BRMS1: variants seen among roughly 807,000 people sequenced by gnomAD.
BRMS1 encodes the protein breast cancer metastasis-suppressor 1.
Under a neutral mutation model 40.4 loss-of-function variants are expected in BRMS1, and 26 were observed. The observed-to-expected ratio is 0.64, with a 90% CI of 0.47 to 0.89. BRMS1 has a LOEUF of 0.89. Ranked by LOEUF, BRMS1 falls within the 40% of genes least tolerant of loss-of-function variation. The probability of loss-of-function intolerance (pLI) is 0.00; values close to 1 mark genes in which losing one functional copy is unlikely to be tolerated. For missense variants in BRMS1, 289 were observed against 309.4 expected, an observed-to-expected ratio of 0.93 and a Z score of 0.49; for synonymous variants, 103 against 116.0, an observed-to-expected ratio of 0.89 and a Z score of 0.72.
chr11:66,338,699 C>T (rs745841637), intron 8 of BRMS1, 22 bp downstream of exon 8: 18 of 1,612,398 alleles, frequency 1.1e-5, no homozygotes, highest in African/African-American at 9.3e-5. Flanking sequence ...GGGCAGGTCA[C>T]GTGGGCAGCA....
At chr11:66,344,879 A>C (rs1438423541) in intron 1 of BRMS1, 93 bp downstream of exon 1, 2 of 152,250 alleles carry the variant, frequency 1.3e-5, no homozygotes, top group African/African-American at 4.8e-5. Flanking sequence ...AGGCCGGTTA[A>C]ATCTCTGCTT....
chr11:66,338,509 A>G, intron 8 of BRMS1: 2 of 1,527,322 alleles, frequency 1.3e-6, no homozygotes, highest in Non-Finnish European at 8.8e-7. Context: ...CCTGCCCCAG[A>G]ACGGGAAGGG....
chr11:66,341,880 G>T lies in BRMS1; in HGVS notation c.139+216C>A. 1 of 672,876 alleles carries T rather than the reference G, an allele frequency of 1.5e-6. No homozygotes were observed. Among genetic ancestry groups the T allele is most frequent in the Non-Finnish European group, 2.6e-6 (1 of 381,618 alleles). 41.7% of individuals were successfully genotyped at this position (672,876 alleles called of 1,614,324 possible). On this transcript the variant is annotated intron_variant, in intron 2 of 9. Coordinates refer to ENST00000359957, the MANE Select transcript of BRMS1 (RefSeq NM_015399.4). This position sits in a 1 kb window ranked among gnomAD's most constrained non-coding sequence, Gnocchi z 4.9. ...ACTTGTGTGAAGGGGCTGTGTGTGT[G>T]CATACGTGCTTGTGTGTAGGGGCTG...
Position 66,341,691 on chromosome 11 carries a change from C to T in BRMS1, c.140-68G>A, listed in dbSNP as rs895872724. ...GTGGGTACCCGCATGTGTGCATGTG[C>T]GTCCTGCATGTGTGTGTGTGCATGC... On this transcript the variant is annotated intron_variant, in intron 2 of 9. Transcript: ENST00000359957. This position sits in a 1 kb window ranked among gnomAD's most constrained non-coding sequence, Gnocchi z 4.9. The T allele has an allele frequency of 6.8e-6, 9 of 1,314,258 alleles. No homozygotes were observed. Among genetic ancestry groups the T allele is most frequent in the African/African-American group, 2.9e-5 (2 of 69,304 alleles). The allele number at this position is 1,314,258 out of a possible 1,614,324, so 81.4% of individuals were successfully genotyped here.
intron 1 of BRMS1, among the ~76,000 whole-genome samples, chr11:66,343,331 T>TAG (rs1565207628): frequency 6.6e-6 from 1 of 152,202 alleles, no homozygotes; most frequent in Non-Finnish European, 1.5e-5. Flanking sequence ...CATTCCTTCT[T>TAG]TTACTGACTC....
rs750435123 is a variant in BRMS1, at chr11:66,337,707, C to T, written c.*175G>A. 5 of 1,604,562 alleles carry T rather than the reference C, an allele frequency of 3.1e-6. No homozygotes were observed. In the Admixed American group the frequency reaches 8.6e-5, roughly 28 times the overall value. ...ACAGCTGTGCAGGCCTCGAGGAGGG[C>T]AGAGGAGGAGTCCAGGCCAGTGCCA... On this transcript the variant is annotated 3_prime_UTR_variant, in exon 10 of 10. Coordinates refer to ENST00000359957, the MANE Select transcript of BRMS1 (RefSeq NM_015399.4).
rs1407029950 is a variant in BRMS1, at chr11:66,341,945, T to C, written c.139+151A>G. The C allele has an allele frequency of 1.5e-5, 13 of 855,324 alleles. No individual in the cohort carries two copies. Among genetic ancestry groups the C allele is most frequent in the Admixed American group, 1.1e-4 (5 of 44,768 alleles). 53.0% of individuals were successfully genotyped at this position (855,324 alleles called of 1,614,324 possible). Reference sequence around the variant, plus strand: ...TGTGTAGGGGCTGTGTGTGCGTGTGTGCGCTTGTGTGCAGGGTCTGTGTAT... The same window carrying C: ...TGTGTAGGGGCTGTGTGTGCGTGTGCGCGCTTGTGTGCAGGGTCTGTGTAT... On this transcript the variant is annotated intron_variant, in intron 2 of 9. Coordinates refer to ENST00000359957, the MANE Select transcript of BRMS1 (RefSeq NM_015399.4). This position sits in a 1 kb window ranked among gnomAD's most constrained non-coding sequence, Gnocchi z 4.9.
intron 7 of BRMS1, among the ~76,000 whole-genome samples, chr11:66,339,017 C>T (rs1292107732): frequency 6.6e-6 from 1 of 152,214 alleles, no homozygotes; most frequent in Non-Finnish European, 1.5e-5. Context: ...CTCACCCTCA[C>T]CTCGTCTTAG....
In BRMS1 at chr11:66,337,900, G is replaced by A. The variant is rs753375711; in HGVS notation, c.734-11C>T. 26 of 1,603,598 alleles carry A rather than the reference G, an allele frequency of 1.6e-5. 2 individuals carry two copies. The South Asian group carries it at 2.5e-4, about 16-fold the overall frequency. On this transcript the variant is annotated splice_polypyrimidine_tract_variant and intron_variant, in intron 9 of 9. Transcript: ENST00000359957. ...AGCAGGGTCAAGGTCCTGTGCATAT[G>A]TGGGAAGAAGAAAACTGTCACCAGT...
At position 66,338,592 on chromosome 11, in the gene BRMS1, A is replaced by G; in HGVS notation, c.693+129T>C. 3 of 1,567,556 alleles carry G rather than the reference A, an allele frequency of 1.9e-6. No individual in the cohort carries two copies. In the South Asian group the frequency reaches 3.5e-5, roughly 18 times the overall value. ...AGGACTTGTGAGCCAACTGCGATCC[A>G]GGGACTCTGGGCTGAAGATGGGGAA... On this transcript the variant is annotated intron_variant, in intron 8 of 9. Coordinates refer to ENST00000359957, the MANE Select transcript of BRMS1 (RefSeq NM_015399.4).
chr11:66,338,109 G>C lies in BRMS1; in HGVS notation c.733+134C>G, dbSNP rs544422686. 21 of 1,330,394 alleles carry C rather than the reference G, an allele frequency of 1.6e-5. No homozygotes were observed. The African/African-American group carries it at 2.0e-4, about 13-fold the overall frequency. 82.4% of individuals were successfully genotyped at this position (1,330,394 alleles called of 1,614,324 possible). A position where few individuals can be genotyped will look rare whatever the true frequency, so the allele number is the denominator to read the frequency against. The stretch of plus-strand genomic sequence containing the variant: ...AACTCCCACAAGCCCCTCAAATCTA[G>C]ACCATCCTAACTTTCTTGAGCCACT... On this transcript the variant is annotated intron_variant, in intron 9 of 9. Coordinates refer to ENST00000359957, the MANE Select transcript of BRMS1 (RefSeq NM_015399.4).
rs1438208320 is a variant in BRMS1 at position 66,337,837 on chromosome 11, C to T, written c.*45G>A. The T allele has an allele frequency of 6.8e-6, 11 of 1,614,218 alleles. No homozygotes were observed. The highest frequency in any genetic ancestry group is 8.5e-6 in the Non-Finnish European group (10 of 1,180,036). On this transcript the variant is annotated 3_prime_UTR_variant, in exon 10 of 10. Coordinates refer to ENST00000359957, the MANE Select transcript of BRMS1 (RefSeq NM_015399.4). ...AGGAGGAAGACGAGAATCCTGGGTGCAGTGCCAGCTGCTCTGAGGGTCCCC... is the reference window on the plus strand; with the variant it reads ...AGGAGGAAGACGAGAATCCTGGGTGTAGTGCCAGCTGCTCTGAGGGTCCCC...
Position 66,341,906 on chromosome 11 carries a change from T to C in BRMS1, c.139+190A>G. 2.9e-6 allele frequency: 2 copies of C among 681,730 alleles called. No individual in the cohort carries two copies. The highest frequency in any genetic ancestry group is 1.8e-5 in the South Asian group (1 of 57,016). The allele number at this position is 681,730 out of a possible 1,614,324, so 42.2% of individuals were successfully genotyped here. A position where few individuals can be genotyped will look rare whatever the true frequency, so the allele number is the denominator to read the frequency against. On this transcript the variant is annotated intron_variant, in intron 2 of 9. Coordinates refer to ENST00000359957, the MANE Select transcript of BRMS1 (RefSeq NM_015399.4). The surrounding 1 kb of genome is among the most constrained non-coding windows in gnomAD (Gnocchi z 4.9). ...CATACGTGCTTGTGTGTAGGGGCTG[T>C]GTGTGCGTGCTTGTGTGTAGGGGCT...
At position 66,343,427 on chromosome 11, in the gene BRMS1, C is replaced by T. The variant is rs557298581; in HGVS notation, c.-7-1186G>A. The stretch of plus-strand genomic sequence containing the variant: ...GCGCCCAAGTGTGAATGTCTTTGAC[C>T]TCACGGAGTTTACAAGTTCCTGGGA... On this transcript the variant is annotated intron_variant, in intron 1 of 9. Transcript: ENST00000359957. Among the ~76,000 whole-genome samples, 7 of 152,280 alleles carry T rather than the reference C, an allele frequency of 4.6e-5. No homozygotes were observed. In the East Asian group the frequency reaches 5.8e-4, roughly 13 times the overall value.
At chr11:66,340,943 C>G in intron 5 of BRMS1, 24 bp downstream of exon 5, 1 of 1,613,942 alleles carries the variant, frequency 6.2e-7, no homozygotes, top group Admixed American at 1.7e-5. Flanking sequence ...CTGCCTCACC[C>G]CCAGTGTGCC....
rs1054356511 is a variant in BRMS1 at position 66,337,471 on chromosome 11, G to A, written c.*411C>T. On this transcript the variant is annotated 3_prime_UTR_variant, in exon 10 of 10. Coordinates refer to ENST00000359957, the MANE Select transcript of BRMS1 (RefSeq NM_015399.4). ...GGTGGACAGACCCCCAGATAATCAC[G>A]TCTGACTCAGAGTTCCCGCACAGTG... 2.8e-5 allele frequency: 16 copies of A among 565,028 alleles called. No homozygotes were observed. Among genetic ancestry groups the A allele is most frequent in the Middle Eastern group, 5.3e-4 (2 of 3,778 alleles). 35.0% of individuals were successfully genotyped at this position (565,028 alleles called of 1,614,324 possible). A position where few individuals can be genotyped will look rare whatever the true frequency, so the allele number is the denominator to read the frequency against.
In BRMS1 at chr11:66,337,863, CT is replaced by C. The variant is rs1652773107; in HGVS notation, c.*18del. ...AGTGCCAGCTGCTCTGAGGGTCCCC[CT>C]GGCTGTGAACAGCAGGGTCAAGGTC... is the stretch of plus-strand genomic sequence containing the variant. On this transcript the variant is annotated 3_prime_UTR_variant, in exon 10 of 10. Coordinates refer to ENST00000359957, the MANE Select transcript of BRMS1 (RefSeq NM_015399.4). 3 of 1,614,000 alleles carry C rather than the reference CT, an allele frequency of 1.9e-6. No homozygotes were observed. The highest frequency in any genetic ancestry group is 1.1e-5 in the South Asian group (1 of 91,076).
intron 7 of BRMS1, chr11:66,339,789 G>C (rs918629809): frequency 1.7e-4 from 41 of 237,332 alleles, no homozygotes; most frequent in African/African-American, 8.7e-4. Context: ...CTAGAGATGG[G>C]TTTCACCATG....
In BRMS1 at chr11:66,337,818, A is replaced by C. The variant is rs889527991; in HGVS notation, c.*64T>G. On this transcript the variant is annotated 3_prime_UTR_variant, in exon 10 of 10. Transcript: ENST00000359957. ...TGTGGGTCCGCCTGTCTGCAGGAGG[A>C]AGACGAGAATCCTGGGTGCAGTGCC... The C allele has an allele frequency of 2.5e-6, 4 of 1,614,006 alleles. No individual in the cohort carries two copies. The African/African-American group carries it at 5.3e-5, about 22-fold the overall frequency.
Sources: gnomAD v4.1 joint callset for allele counts (sites outside exome capture counted in the v4.1 genomes callset) on GRCh38, gnomAD v4.1.1 for gene constraint, Gnocchi (gnomAD v3.1) non-coding constraint, MANE v1.5 for transcripts, NCBI Gene and HGNC (gene_info 2026-07-23, HGNC 2026-07-21) for gene names.